GRIK1: variants seen among roughly 807,000 people sequenced by gnomAD.
The protein encoded by GRIK1 is glutamate receptor ionotropic, kainate 1.
GRIK1 carries 69 observed loss-of-function variants against 105.7 expected under a neutral mutation model. That is an observed-to-expected ratio of 0.65 (90% CI 0.54 to 0.80). The LOEUF (loss-of-function observed/expected upper bound fraction) is 0.80, where lower values mean the gene tolerates loss of function less well. GRIK1 is among the 30% of genes least tolerant of loss of function. GRIK1 has a pLI of 0.00. For missense variants in GRIK1, 1,109 were observed against 1,167.3 expected (o/e 0.95, Z 0.73); for synonymous variants, 438 against 431.3 (o/e 1.02, Z -0.19).
chr21:29,919,573 C>T (rs1749639407), intron 1 of GRIK1, among the ~76,000 whole-genome samples: 1 of 152,104 alleles, frequency 6.6e-6, no homozygotes, highest in South Asian at 2.1e-4. Flanking sequence ...CTTTCTTTGT[C>T]TTAACTCTTC....
chr21:29,624,183 C>T (rs2062069857), intron 7 of GRIK1, among the ~76,000 whole-genome samples: 1 of 152,164 alleles, frequency 6.6e-6, no homozygotes, highest in Non-Finnish European at 1.5e-5. Context: ...TGACTACACT[C>T]ATGACATGTA....
intron 7 of GRIK1, among the ~76,000 whole-genome samples, chr21:29,617,743 G>C (rs1358192661): frequency 1.3e-5 from 2 of 152,190 alleles, no homozygotes; most frequent in Admixed American, 1.3e-4. Context: ...GAGGCCTGGA[G>C]TGTGACATCA....
At chr21:29,732,497 T>C (rs1021250166) in intron 1 of GRIK1, among the ~76,000 whole-genome samples, 3 of 152,228 alleles carry the variant, frequency 2.0e-5, no homozygotes, top group Non-Finnish European at 4.4e-5. Context: ...ATTGCAATCA[T>C]GATTATTAAC....
Position 29,689,779 on chromosome 21 carries a change from C to G in GRIK1, c.493G>C (p.Val165Leu), listed in dbSNP as rs1416674913. 8.7e-6 allele frequency: 14 copies of G among 1,613,770 alleles called. No homozygotes were observed. In the Admixed American group the frequency reaches 1.8e-4, roughly 21 times the overall value. The stretch of plus-strand genomic sequence containing the variant: ...ACTGTTTTCCAGTTGTAATAGAGGA[C>G]CAGATCCAGGATCGCCCTGCTGATA... Reference protein sequence around the residue: ...AAISRAILDLVLYYNWKTVTV... With the variant: ...AAISRAILDLLLYYNWKTVTV... The change falls in exon 3 of 18, where the codon GTC (valine) becomes CTC (leucine). Residue 165 changes from valine (V) to leucine (L), a missense_variant. Transcript: ENST00000327783.
At chr21:29,938,698 GC>G (rs1205200199) in intron 1 of GRIK1, among the ~76,000 whole-genome samples, 2 of 152,152 alleles carry the variant, frequency 1.3e-5, no homozygotes, top group Non-Finnish European at 2.9e-5. Context: ...AGGCAAGCGG[GC>G]AAATTAGGGA....
chr21:29,739,660 T>C (rs1383133189), intron 1 of GRIK1, among the ~76,000 whole-genome samples: 1 of 152,186 alleles, frequency 6.6e-6, no homozygotes, highest in African/African-American at 2.4e-5. Context: ...AAAAAGTAAT[T>C]TTGAACAATA....
chr21:29,659,514 C>T (rs543447545), intron 4 of GRIK1, among the ~76,000 whole-genome samples: 8 of 152,244 alleles, frequency 5.3e-5, no homozygotes, highest in African/African-American at 1.4e-4. Context: ...AAATCAGCAG[C>T]GGGGGAGTGT....
At chr21:29,878,075 G>A (rs2069254884) in intron 1 of GRIK1, among the ~76,000 whole-genome samples, 1 of 152,176 alleles carries the variant, frequency 6.6e-6, no homozygotes, top group Non-Finnish European at 1.5e-5. Context: ...CAGTTCTGTA[G>A]AGACAGGCTG....
At chr21:29,765,680 A>G (rs1168924899) in intron 1 of GRIK1, among the ~76,000 whole-genome samples, 2 of 152,082 alleles carry the variant, frequency 1.3e-5, no homozygotes, top group Non-Finnish European at 2.9e-5. Flanking sequence ...GGGGACTAAG[A>G]GGGAGGAAGT....
At chr21:29,816,272 C>T (rs1047166707) in intron 1 of GRIK1, among the ~76,000 whole-genome samples, 2 of 151,956 alleles carry the variant, frequency 1.3e-5, no homozygotes, top group African/African-American at 2.4e-5. Context: ...ATTAGAATGG[C>T]TATCATCAAA....
At chr21:29,596,975 C>A (rs111782582) in intron 8 of GRIK1, among the ~76,000 whole-genome samples, 1,573 of 152,226 alleles carry the variant, frequency 0.01, 24 homozygotes, top group African/African-American at 0.036. Context: ...CACACAAACA[C>A]ACACACACAC....
intron 7 of GRIK1, among the ~76,000 whole-genome samples, chr21:29,608,397 A>G (rs750394488): frequency 1.3e-4 from 20 of 152,164 alleles, no homozygotes; most frequent in Non-Finnish European, 2.6e-4. Flanking sequence ...GGAGTATAAT[A>G]TATGCACGTA....
intron 1 of GRIK1, among the ~76,000 whole-genome samples, chr21:29,867,922 G>GAA (rs2068873585): frequency 7.3e-6 from 1 of 136,362 alleles, no homozygotes; most frequent in African/African-American, 3.0e-5. Context: ...GAGAGAAAGA[G>GAA]AGAAAGAGAG....
chr21:29,643,698 G>A (rs1452897945), intron 6 of GRIK1, among the ~76,000 whole-genome samples: 1 of 135,546 alleles, frequency 7.4e-6, no homozygotes, highest in Non-Finnish European at 1.6e-5. Context: ...ACATAATACA[G>A]CATTTTATAA....
chr21:29,677,344 A>G (rs1313140156), intron 3 of GRIK1, among the ~76,000 whole-genome samples: 2 of 152,238 alleles, frequency 1.3e-5, no homozygotes, highest in African/African-American at 4.8e-5. Flanking sequence ...CCCAAGAATG[A>G]AATTGGAAAT....
chr21:29,841,490 T>C (rs1214957842), intron 1 of GRIK1, among the ~76,000 whole-genome samples: 2 of 152,168 alleles, frequency 1.3e-5, no homozygotes, highest in Non-Finnish European at 2.9e-5. Context: ...CTTCCAATAG[T>C]GCTAATAAGT....
intron 1 of GRIK1, among the ~76,000 whole-genome samples, chr21:29,732,818 T>A (rs945008161): frequency 6.6e-6 from 1 of 152,194 alleles, no homozygotes; most frequent in South Asian, 2.1e-4. Flanking sequence ...ATATATTCCT[T>A]TAACTACATC....
At position 29,746,109 on chromosome 21, in the gene GRIK1, TA is replaced by T. The variant is rs200799075; in HGVS notation, c.119-52047del. Among the ~76,000 whole-genome samples, 56 of 147,896 alleles carry T rather than the reference TA, an allele frequency of 3.8e-4. 1 individual carries two copies. Among genetic ancestry groups the T allele is most frequent in the Admixed American group, 3.3e-3 (49 of 14,856 alleles). Reference sequence around the variant, plus strand: ...ACAGAGCGGGACTCCGTTTCAAAAATAAAAAAAAAATAAAAATCGAGAAAAG... The same window carrying T: ...ACAGAGCGGGACTCCGTTTCAAAAATAAAAAAAAATAAAAATCGAGAAAAG... On this transcript the variant is annotated intron_variant, in intron 1 of 17. Transcript: ENST00000327783.
At chr21:29,724,582 G>A (rs720781) in intron 1 of GRIK1, among the ~76,000 whole-genome samples, 8 of 152,172 alleles carry the variant, frequency 5.3e-5, no homozygotes, top group Admixed American at 5.2e-4. Context: ...TGGGAGAGAC[G>A]TTTTATGATA....
Sources: gnomAD v4.1 joint callset for allele counts (sites outside exome capture counted in the v4.1 genomes callset) on GRCh38, gnomAD v4.1.1 for gene constraint, MANE v1.5 for transcripts, NCBI Gene and HGNC (gene_info 2026-07-23, HGNC 2026-07-21) for gene names.